Variants in RGS7 observed in about 807,000 individuals in gnomAD.
RGS7 encodes the protein regulator of G-protein signaling 7.
Under a neutral mutation model 81.1 loss-of-function variants are expected in RGS7, and 27 were observed. The ratio of observed to expected loss-of-function variants is 0.33; its 90% CI spans 0.25 to 0.46. The LOEUF (loss-of-function observed/expected upper bound fraction) is 0.46, where lower values mean the gene tolerates loss of function less well. Among genes scored for constraint, RGS7 ranks in the 20% least tolerant of loss-of-function variants. The pLI, the probability that RGS7 is intolerant of heterozygous loss-of-function variation, is 1.00. For synonymous variants in RGS7, 208 were observed against 207.7 expected, an observed-to-expected ratio of 1.00 and a Z score of -0.01; for missense variants, 396 against 607.4, an observed-to-expected ratio of 0.65 and a Z score of 3.66.
intron 2 of RGS7, among the ~76,000 whole-genome samples, chr1:241,230,924 C>G (rs2075626884): frequency 6.6e-6 from 1 of 152,150 alleles, no homozygotes; most frequent in Admixed American, 6.5e-5. Context: ...CATCAAGATG[C>G]AAGTTAGTGC....
At chr1:241,203,821 T>C (rs1356673131) in intron 2 of RGS7, among the ~76,000 whole-genome samples, 2 of 152,196 alleles carry the variant, frequency 1.3e-5, no homozygotes, top group Non-Finnish European at 2.9e-5. Context: ...GGTACATTTC[T>C]AGATAATGAA....
At chr1:241,103,701 A>C (rs1056238993) in intron 2 of RGS7, among the ~76,000 whole-genome samples, 1 of 151,952 alleles carries the variant, frequency 6.6e-6, no homozygotes, top group Non-Finnish European at 1.5e-5. Flanking sequence ...GCAAAACTCT[A>C]TCTCTTAAAA....
chr1:240,902,111 T>C (rs938857410), intron 6 of RGS7, among the ~76,000 whole-genome samples: 1 of 152,338 alleles, frequency 6.6e-6, no homozygotes, highest in African/African-American at 2.4e-5. Flanking sequence ...TTCAATCAAT[T>C]GGTAAGACAG....
At chr1:241,140,328 A>C (rs949943145) in intron 2 of RGS7, among the ~76,000 whole-genome samples, 2 of 152,144 alleles carry the variant, frequency 1.3e-5, no homozygotes, top group Non-Finnish European at 2.9e-5. Context: ...TCAGGGTTAG[A>C]GATGGTAAGG....
intron 3 of RGS7, among the ~76,000 whole-genome samples, chr1:241,041,686 T>G: frequency 6.6e-6 from 1 of 152,142 alleles, no homozygotes; most frequent in East Asian, 1.9e-4. Context: ...AAAGCAGACT[T>G]AGGTCGCATT....
intron 2 of RGS7, among the ~76,000 whole-genome samples, chr1:241,278,553 GAGGCTCA>G (rs2078320868): frequency 1.3e-5 from 2 of 152,276 alleles, no homozygotes; most frequent in African/African-American, 4.8e-5. Context: ...GCAGCTACAG[GAGGCTCA>G]AGGGCAGATC....
chr1:241,040,865 T>C (rs1202081581), intron 3 of RGS7, among the ~76,000 whole-genome samples: 1 of 152,182 alleles, frequency 6.6e-6, no homozygotes, highest in Non-Finnish European at 1.5e-5. Context: ...CTGGCTATTA[T>C]AAATTTTCCC....
chr1:241,305,838 T>C, intron 2 of RGS7: 1 of 309,900 alleles, frequency 3.2e-6, no homozygotes, highest in Non-Finnish European at 6.4e-6. Flanking sequence ...ACGTTCTTGG[T>C]CACCTTGTGG....
At chr1:241,100,475 T>C (rs1044667692) in intron 2 of RGS7, among the ~76,000 whole-genome samples, 5 of 152,192 alleles carry the variant, frequency 3.3e-5, no homozygotes, top group South Asian at 2.1e-4. Flanking sequence ...TATTACTATG[T>C]TGTAATCACA....
intron 2 of RGS7, among the ~76,000 whole-genome samples, chr1:241,295,186 C>T (rs555365457): frequency 8.1e-4 from 124 of 152,168 alleles, no homozygotes; most frequent in African/African-American, 1.2e-3. Flanking sequence ...CGGTGGCTCA[C>T]GCCTGTAATC....
At position 241,265,782 on chromosome 1, in the gene RGS7, C is replaced by T. The variant is rs149846002; in HGVS notation, c.78+89917G>A. ...GATCTCAAGTTACTGCCCTTTTCCTCGTCCTTTTTTTTTTTTTTTTTTTTT... is the reference window on the plus strand; with the variant it reads ...GATCTCAAGTTACTGCCCTTTTCCTTGTCCTTTTTTTTTTTTTTTTTTTTT... On this transcript the variant is annotated intron_variant, in intron 2 of 18. Transcript: ENST00000440928. Among the ~76,000 whole-genome samples the T allele has an allele frequency of 5.4e-3, 760 of 140,634 alleles. 8 individuals carry two copies. Among genetic ancestry groups the T allele is most frequent in the African/African-American group, 0.019 (730 of 38,346 alleles). 92.3% of individuals were successfully genotyped at this position (140,634 alleles called of 152,430 possible).
intron 4 of RGS7, among the ~76,000 whole-genome samples, chr1:240,949,953 C>G (rs527479889): frequency 2.5e-3 from 376 of 150,722 alleles, no homozygotes; most frequent in African/African-American, 8.1e-3. Context: ...GAAAACCAAA[C>G]AAGCTGAAAA....
intron 6 of RGS7, among the ~76,000 whole-genome samples, chr1:240,891,524 A>G (rs1263297982): frequency 6.6e-6 from 1 of 152,198 alleles, no homozygotes; most frequent in Non-Finnish European, 1.5e-5. Flanking sequence ...AGAAATTAAA[A>G]TGAAGTCATT....
At chr1:241,020,318 G>T (rs1350435420) in intron 3 of RGS7, among the ~76,000 whole-genome samples, 1 of 152,058 alleles carries the variant, frequency 6.6e-6, no homozygotes, top group Non-Finnish European at 1.5e-5. Flanking sequence ...CAGAATTCTG[G>T]AGTCTAGTAG....
intron 2 of RGS7, among the ~76,000 whole-genome samples, chr1:241,355,326 T>C (rs975687132): frequency 6.6e-6 from 1 of 152,266 alleles, no homozygotes; most frequent in Admixed American, 6.5e-5. Flanking sequence ...GATATGCTTA[T>C]ATCATTATTA....
chr1:241,221,080 G>GAAGGAAGGAAGA (rs1176315096), intron 2 of RGS7, among the ~76,000 whole-genome samples: 2 of 135,880 alleles, frequency 1.5e-5, no homozygotes, highest in African/African-American at 2.7e-5. Context: ...AGAAAGGAAG[G>GAAGGAAGGAAGA]AAGGAAGGAA....
chr1:241,267,155 TCA>T (rs1345053129), intron 2 of RGS7, among the ~76,000 whole-genome samples: 1 of 152,226 alleles, frequency 6.6e-6, no homozygotes, highest in Non-Finnish European at 1.5e-5. Context: ...TCCGTCTCTC[TCA>T]GTTTCTCCCA....
chr1:241,355,557 T>A, intron 2 of RGS7, 142 bp downstream of exon 2: 2 of 776,996 alleles, frequency 2.6e-6, no homozygotes, highest in South Asian at 2.8e-5. Context: ...GTCAGATCAC[T>A]TTCACGTATA....
intron 4 of RGS7, among the ~76,000 whole-genome samples, chr1:240,951,542 G>T (rs1038678839): frequency 3.3e-5 from 5 of 152,148 alleles, no homozygotes; most frequent in African/African-American, 1.2e-4. Context: ...CAACTCTAAG[G>T]AAAGAATCAG....
Sources: gnomAD v4.1 joint callset for allele counts (sites outside exome capture counted in the v4.1 genomes callset) on GRCh38, gnomAD v4.1.1 for gene constraint, MANE v1.5 for transcripts, NCBI Gene and HGNC (gene_info 2026-07-23, HGNC 2026-07-21) for gene names.